The following PTPRG variants were observed in gnomAD, a reference collection of about 807,000 sequenced individuals.
PTPRG encodes receptor-type tyrosine-protein phosphatase gamma.
Under a neutral mutation model 165.3 loss-of-function variants are expected in PTPRG, and 102 were observed. The ratio of observed to expected loss-of-function variants is 0.62; its 90% CI spans 0.53 to 0.73. The LOEUF (loss-of-function observed/expected upper bound fraction) is 0.73. Ranked by LOEUF, PTPRG falls within the 30% of genes least tolerant of loss-of-function variation. PTPRG has a pLI of 0.00. For missense variants in PTPRG, 1,866 were observed against 1,861.4 expected, an observed-to-expected ratio of 1.00 and a Z score of -0.05; for synonymous variants, 675 against 669.5, an observed-to-expected ratio of 1.01 and a Z score of -0.13.
intron 2 of PTPRG, among the ~76,000 whole-genome samples, chr3:61,962,387 T>G (rs1575827153): frequency 6.6e-6 from 1 of 152,224 alleles, no homozygotes; most frequent in Non-Finnish European, 1.5e-5. Flanking sequence ...CTCCTGTAGT[T>G]GCATGGCTTG....
intron 28 of PTPRG, among the ~76,000 whole-genome samples, chr3:62,285,097 A>G (rs1016482356): frequency 1.4e-4 from 22 of 152,090 alleles, no homozygotes; most frequent in African/African-American, 4.8e-4. Context: ...ATTTGTATAC[A>G]TGACTGTCAC....
At chr3:61,845,294 G>T (rs1173379830) in intron 2 of PTPRG, among the ~76,000 whole-genome samples, 2 of 152,180 alleles carry the variant, frequency 1.3e-5, no homozygotes, top group African/African-American at 4.8e-5. Flanking sequence ...AGCAGCTTGT[G>T]GTTACCGTGT....
intron 4 of PTPRG, among the ~76,000 whole-genome samples, chr3:62,042,933 C>T (rs1370516517): frequency 6.6e-6 from 1 of 152,118 alleles, no homozygotes; most frequent in East Asian, 1.9e-4. Flanking sequence ...TATCCTTTGA[C>T]CCACATCTTA....
rs747134653 is a variant in PTPRG, at chr3:62,262,826, A to G, written c.2588A>G (p.Asn863Ser). 2 of 1,613,854 alleles carry G rather than the reference A, an allele frequency of 1.2e-6. No homozygotes were observed. Reference sequence around the variant, plus strand: ...GTCCAGCGCTGTACTGCTGATATGAACATCACTGCAGAGCATTCCAATCAT... The same window carrying G: ...GTCCAGCGCTGTACTGCTGATATGAGCATCACTGCAGAGCATTCCAATCAT... ...EEVQRCTADM[N>S]ITAEHSNHPE... Residue 863 changes from asparagine (N) to serine (S), a missense_variant, in exon 17 of 30, where the codon AAC becomes AGC. Physicochemically the swap from Asn to Ser is conservative, Grantham distance 46. Transcript: ENST00000474889.
chr3:62,015,979 A>C (rs1004631435), intron 4 of PTPRG, among the ~76,000 whole-genome samples: 4 of 152,158 alleles, frequency 2.6e-5, no homozygotes, highest in Non-Finnish European at 4.4e-5. Flanking sequence ...CCAGTATTCA[A>C]ATCTTGTGTA....
At chr3:62,120,747 CAA>C (rs71123254) in intron 5 of PTPRG, among the ~76,000 whole-genome samples, 4 of 115,742 alleles carry the variant, frequency 3.5e-5, no homozygotes, top group Admixed American at 1.8e-4. Context: ...GACTCCATCT[CAA>C]AAAAAAAAAA....
chr3:61,926,024 C>A (rs1036453359), intron 2 of PTPRG: 1 of 451,466 alleles, frequency 2.2e-6, no homozygotes. Context: ...CAGACCCTTC[C>A]TGTAACTACT....
intron 2 of PTPRG, among the ~76,000 whole-genome samples, chr3:61,793,752 G>GC (rs1250877510): frequency 6.6e-6 from 1 of 151,806 alleles, no homozygotes; most frequent in Non-Finnish European, 1.5e-5. Context: ...ACTTGTTGTT[G>GC]TTTTTTTTCT....
chr3:62,085,040 A>C (rs1247481742), intron 5 of PTPRG, among the ~76,000 whole-genome samples: 1 of 152,182 alleles, frequency 6.6e-6, no homozygotes, highest in Non-Finnish European at 1.5e-5. Flanking sequence ...AGACTACTAG[A>C]GTATAAACTC....
At position 61,600,186 on chromosome 3, in the gene PTPRG, A is replaced by ATGTGTGTGTGTGTG. The variant is rs1189934671; in HGVS notation, c.85+37815_85+37816insGTGTGTGTGTGTGT. Among the ~76,000 whole-genome samples, 462 of 115,974 alleles carry ATGTGTGTGTGTGTG rather than the reference A, an allele frequency of 4.0e-3. 3 individuals are homozygous for ATGTGTGTGTGTGTG. The highest frequency in any genetic ancestry group is 4.4e-3 in the Non-Finnish European group (230 of 52,600). The allele number at this position is 115,974 out of a possible 152,430, so 76.1% of individuals were successfully genotyped here. On this transcript the variant is annotated intron_variant, in intron 1 of 29. Coordinates refer to ENST00000474889, the MANE Select transcript of PTPRG (RefSeq NM_002841.4). The stretch of plus-strand genomic sequence containing the variant: ...AAAAAAAAAAAAAATATATATATAT[A>ATGTGTGTGTGTGTG]TATATATGTGTGTGTGTGTGTGTGT...
intron 1 of PTPRG, among the ~76,000 whole-genome samples, chr3:61,741,588 A>C (rs943162913): frequency 6.6e-6 from 1 of 152,256 alleles, no homozygotes; most frequent in African/African-American, 2.4e-5. Context: ...ATGTGCAGCC[A>C]TATTGTAGAT....
intron 1 of PTPRG, among the ~76,000 whole-genome samples, chr3:61,672,728 ACTGTG>A (rs1703059441): frequency 8.2e-6 from 1 of 122,272 alleles, no homozygotes; most frequent in African/African-American, 3.1e-5. Flanking sequence ...GGAGAGGGAG[ACTGTG>A]GGGAGAGGGA....
At chr3:61,730,664 T>C (rs1029951811) in intron 1 of PTPRG, among the ~76,000 whole-genome samples, 7 of 152,184 alleles carry the variant, frequency 4.6e-5, no homozygotes, top group Non-Finnish European at 1.0e-4. Flanking sequence ...CTATATGCCC[T>C]AAGGGACACT....
chr3:61,653,903 G>GT (rs1553644926), intron 1 of PTPRG, among the ~76,000 whole-genome samples: 16,967 of 137,910 alleles, frequency 0.12, 1,646 homozygotes, highest in East Asian at 0.18. Context: ...GAGCGGTGGG[G>GT]GGCGCGGGGA....
At chr3:62,063,397 A>G (rs1700885678) in intron 4 of PTPRG, among the ~76,000 whole-genome samples, 1 of 152,222 alleles carries the variant, frequency 6.6e-6, no homozygotes, top group Admixed American at 6.5e-5. Flanking sequence ...GTTTTAACCA[A>G]TATATCAGGA....
chr3:61,977,218 C>G (rs2040531459), intron 2 of PTPRG, among the ~76,000 whole-genome samples: 2 of 148,722 alleles, frequency 1.3e-5, no homozygotes, highest in Admixed American at 1.3e-4. Flanking sequence ...CAAGAACAAA[C>G]TTTTACCTCA....
intron 4 of PTPRG, among the ~76,000 whole-genome samples, chr3:62,068,658 T>C (rs575080624): frequency 2.6e-5 from 4 of 152,026 alleles, no homozygotes; most frequent in Non-Finnish European, 5.9e-5. Context: ...TTGTTTTGTT[T>C]TGGTTTGGTT....
At chr3:61,688,061 C>T (rs1371461137) in intron 1 of PTPRG, among the ~76,000 whole-genome samples, 1 of 152,202 alleles carries the variant, frequency 6.6e-6, no homozygotes, top group East Asian at 1.9e-4. Context: ...GGGCATCTGG[C>T]CTTCCTGAGT....
intron 2 of PTPRG, among the ~76,000 whole-genome samples, chr3:61,989,062 C>A (rs2040826775): frequency 6.6e-6 from 1 of 152,154 alleles, no homozygotes; most frequent in Admixed American, 6.5e-5. Context: ...TCTTAACACT[C>A]AAGTGTACAA....
Sources: allele counts gnomAD v4.1 joint callset (sites outside exome capture counted in the v4.1 genomes callset), GRCh38; gene constraint gnomAD v4.1.1; transcripts MANE v1.5; gene names NCBI Gene and HGNC (gene_info 2026-07-23, HGNC 2026-07-21).